ANK2: variants seen among roughly 807,000 people sequenced by gnomAD.
ANK2 encodes the protein ankyrin 2.
Under a neutral mutation model 360.5 loss-of-function variants are expected in ANK2, and 83 were observed. That is an observed-to-expected ratio of 0.23 (90% CI 0.19 to 0.28). The LOEUF (loss-of-function observed/expected upper bound fraction) is 0.28, where lower values mean the gene tolerates loss of function less well. Among genes scored for constraint, ANK2 ranks in the 10% least tolerant of loss-of-function variants. The probability of loss-of-function intolerance (pLI) is 1.00; values close to 1 mark genes in which losing one functional copy is unlikely to be tolerated. For missense variants in ANK2, 4,201 were observed against 4,795.7 expected, an observed-to-expected ratio of 0.88 and a Z score of 3.66; for synonymous variants, 1,740 against 1,759.5, an observed-to-expected ratio of 0.99 and a Z score of 0.28.
In ANK2 at chr4:112,953,274, G is replaced by A. The variant is rs547959635; in HGVS notation, c.21+48760G>A. On this transcript the variant is annotated intron_variant, in intron 2 of 30. Transcript: ENST00000503271. ...ATGCAGGTCTAGAAATGCAGTTTAA[G>A]TTTATCCATTGTTTAGGCAAGCATA... is the stretch of plus-strand genomic sequence containing the variant. 5.9e-5 allele frequency among the ~76,000 whole-genome samples: 9 copies of A among 152,292 alleles called. No homozygotes were observed. The East Asian group carries it at 1.5e-3, about 26-fold the overall frequency.
chr4:112,805,686 A>T, the ANK2 span, among the ~76,000 whole-genome samples: 2 of 150,824 alleles, frequency 1.3e-5, no homozygotes, highest in African/African-American at 2.4e-5. Flanking sequence ...GGTTCAAGCG[A>T]TTCTCCTGCC....
At chr4:112,869,875 G>T (rs1437377976) in intron 1 of ANK2, among the ~76,000 whole-genome samples, 1 of 151,874 alleles carries the variant, frequency 6.6e-6, no homozygotes, top group Non-Finnish European at 1.5e-5. Context: ...TAGAGACAGG[G>T]TTTCAACATG....
chr4:113,108,631 C>T (rs113916823), intron 1 of ANK2, among the ~76,000 whole-genome samples: 115 of 152,152 alleles, frequency 7.6e-4, no homozygotes, highest in Non-Finnish European at 1.3e-3. Flanking sequence ...AGTAAAGTTT[C>T]GCTGAGAGAG....
chr4:113,341,582 TCCAAGAAGCA>T, intron 32 of ANK2, 96 bp from the exon 33 acceptor site: 2 of 1,194,582 alleles, frequency 1.7e-6, no homozygotes, highest in South Asian at 2.5e-5. Context: ...CTTCCTTTTT[TCCAAGAAGCA>T]TTTGTTGACT....
rs772347693 is a variant in ANK2, at chr4:113,277,928, C to A, written c.1775C>A (p.Ala592Glu). The A allele has an allele frequency of 6.2e-7, 1 of 1,613,100 alleles. No individual in the cohort carries two copies. The highest frequency in any genetic ancestry group is 1.7e-5 in the Admixed American group (1 of 60,016). ...LLQRRAAADS[A>E]GKNGLTPLHV... ...CAACGCCGTGCTGCCGCAGATTCTG[C>A]AGGGAAGGTAAAGATTTTCTATACG... Residue 592 changes from alanine (A) to glutamate (E), a missense_variant, in exon 16 of 46, where the codon GCA (alanine) becomes GAA (glutamate). By Grantham distance (107) the Ala-to-Glu change is moderately radical. Coordinates refer to ENST00000357077, the MANE Select transcript of ANK2 (RefSeq NM_001148.6).
At chr4:113,033,699 C>A (rs1015778436) in intron 2 of ANK2, 23 of 151,802 alleles carry the variant, frequency 1.5e-4, no homozygotes, top group African/African-American at 5.3e-4. Context: ...ATGAAGAATC[C>A]CATCCATGTA....
chr4:113,154,283 C>T (rs550006284), intron 1 of ANK2, among the ~76,000 whole-genome samples: 11 of 152,284 alleles, frequency 7.2e-5, no homozygotes, highest in Non-Finnish European at 1.6e-4. Context: ...ATATAGAGTC[C>T]TTTTATTCAT....
chr4:113,203,697 G>A (rs1200436390), intron 4 of ANK2, among the ~76,000 whole-genome samples: 1 of 152,076 alleles, frequency 6.6e-6, no homozygotes, highest in African/African-American at 2.4e-5. Context: ...TCTCTAGTGT[G>A]TTGTGTACAT....
intron 45 of ANK2, among the ~76,000 whole-genome samples, chr4:113,381,225 C>T (rs1210095292): frequency 1.3e-5 from 2 of 151,298 alleles, no homozygotes; most frequent in South Asian, 2.1e-4. Flanking sequence ...TTAAAAAATA[C>T]TCCTTGTTCC....
rs142683262 is a variant in ANK2 at position 113,224,986 on chromosome 4, A to G, written c.385-7175A>G. Among the ~76,000 whole-genome samples, 388 of 149,032 alleles carry G rather than the reference A, an allele frequency of 2.6e-3. 2 individuals carry two copies. The highest frequency in any genetic ancestry group is 8.9e-3 in the African/African-American group (359 of 40,380). On this transcript the variant is annotated intron_variant, in intron 4 of 45. Coordinates refer to ENST00000357077, the MANE Select transcript of ANK2 (RefSeq NM_001148.6). ...TAATTTCTCTTACTGTTCTTTCACT[A>G]TTCATTAGACTCAGGTTTAGAGGAC...
At chr4:113,113,898 T>G (rs2094524712) in intron 1 of ANK2, among the ~76,000 whole-genome samples, 2 of 152,208 alleles carry the variant, frequency 1.3e-5, no homozygotes, top group Admixed American at 1.3e-4. Flanking sequence ...TTTAAAAACA[T>G]CAATTTCTCA....
rs1248769413 is a variant in ANK2, at chr4:113,189,609, C to A, written c.187-6759C>A. 5.9e-5 allele frequency among the ~76,000 whole-genome samples: 9 copies of A among 152,168 alleles called. No individual in the cohort carries two copies. In the East Asian group the frequency reaches 1.2e-3, roughly 20 times the overall value. Reference sequence around the variant, plus strand: ...TTTAGTATTTTGTTCAAAAATATTTCTTTACTTGTGCCTCATTAGAAGCAG... The same window carrying A: ...TTTAGTATTTTGTTCAAAAATATTTATTTACTTGTGCCTCATTAGAAGCAG... On this transcript the variant is annotated intron_variant, in intron 2 of 45. Coordinates refer to ENST00000357077, the MANE Select transcript of ANK2 (RefSeq NM_001148.6).
In ANK2 at chr4:113,020,657, G is replaced by A. The variant is rs1408342100; in HGVS notation, c.21+116143G>A. Among the ~76,000 whole-genome samples the A allele has an allele frequency of 3.9e-5, 6 of 152,042 alleles. No homozygotes were observed. The South Asian group carries it at 8.3e-4, about 21-fold the overall frequency. On this transcript the variant is annotated intron_variant, in intron 2 of 30. Coordinates refer to the ANK2 transcript ENST00000503271. ...AGCCTGGCAAACATGGTGAAACCCC[G>A]TCTCTACTAAAAATACAAAATAGCC...
At chr4:113,036,191 T>C (rs923411143) in intron 2 of ANK2, among the ~76,000 whole-genome samples, 1 of 151,666 alleles carries the variant, frequency 6.6e-6, no homozygotes, top group Non-Finnish European at 1.5e-5. Context: ...CTTAAAACTC[T>C]CTTTGAGTCA....
At position 113,304,641 on chromosome 4, in the gene ANK2, A is replaced by G. The variant is rs544495436; in HGVS notation, c.2548+1802A>G. 2.4e-4 allele frequency among the ~76,000 whole-genome samples: 36 copies of G among 152,334 alleles called. No individual in the cohort carries two copies. The South Asian group carries it at 5.4e-3, about 23-fold the overall frequency. ...TGTTAGTTGACATTGAGCTAGTGTG[A>G]ACATGACAATAACTAAGTTAGACCA... On this transcript the variant is annotated intron_variant, in intron 23 of 45. Coordinates refer to ENST00000357077, the MANE Select transcript of ANK2 (RefSeq NM_001148.6).
the ANK2 span, among the ~76,000 whole-genome samples, chr4:112,811,063 G>T: frequency 3.0e-4 from 45 of 151,536 alleles, no homozygotes; most frequent in Non-Finnish European, 3.7e-4. Context: ...AGCCTCCCGA[G>T]TAGCTGGAAC....
chr4:112,747,644 G>A, the ANK2 span, among the ~76,000 whole-genome samples: 619 of 152,234 alleles, frequency 4.1e-3, 4 homozygotes, highest in African/African-American at 0.014. Flanking sequence ...TAAGTAAATT[G>A]GTTCTGATCT....
At chr4:112,963,707 A>G (rs2035913518) in intron 2 of ANK2, among the ~76,000 whole-genome samples, 1 of 152,172 alleles carries the variant, frequency 6.6e-6, no homozygotes, top group Admixed American at 6.5e-5. Context: ...AGGGAAAAAT[A>G]TAGGTTATAA....
At chr4:113,339,151 A>G in intron 31 of ANK2, 75 bp from the exon 32 acceptor site, 1 of 1,287,846 alleles carries the variant, frequency 7.8e-7, no homozygotes, top group Non-Finnish European at 1.1e-6. Context: ...GTGAACACAG[A>G]ACCACAAAGA....
Sources: allele counts gnomAD v4.1 joint callset (sites outside exome capture counted in the v4.1 genomes callset), GRCh38; gene constraint gnomAD v4.1.1; transcripts MANE v1.5; gene names NCBI Gene and HGNC (gene_info 2026-07-23, HGNC 2026-07-21).